COL25A1: variants seen among roughly 807,000 people sequenced by gnomAD.
The protein encoded by COL25A1 is collagen type XXV alpha 1 chain.
COL25A1 carries 103 observed loss-of-function variants against 128.4 expected under a neutral mutation model. The ratio of observed to expected loss-of-function variants is 0.80; its 90% CI spans 0.68 to 0.94. The LOEUF (loss-of-function observed/expected upper bound fraction) is 0.94. Among genes scored for constraint, COL25A1 ranks in the 40% least tolerant of loss-of-function variants. The pLI is 0.00. For synonymous variants in COL25A1, 279 were observed against 277.2 expected, an observed-to-expected ratio of 1.01 and a Z score of -0.06; for missense variants, 745 against 840.0, an observed-to-expected ratio of 0.89 and a Z score of 1.40.
intron 31 of COL25A1, among the ~76,000 whole-genome samples, chr4:108,834,108 T>A (rs2125734501): frequency 6.6e-6 from 1 of 152,270 alleles, no homozygotes; most frequent in African/African-American, 2.4e-5. Flanking sequence ...CCTAGCAAAT[T>A]ATCCAGACTT....
intron 3 of COL25A1, among the ~76,000 whole-genome samples, chr4:109,244,977 C>T (rs938661664): frequency 1.3e-5 from 2 of 152,062 alleles, no homozygotes; most frequent in African/African-American, 4.8e-5. Context: ...CACTGGATAA[C>T]TTTAAAAATC....
At chr4:109,034,829 T>A (rs1759190839) in intron 5 of COL25A1, among the ~76,000 whole-genome samples, 1 of 152,222 alleles carries the variant, frequency 6.6e-6, no homozygotes, top group Non-Finnish European at 1.5e-5. Context: ...ATTAAAATCT[T>A]ATAAATGCCA....
chr4:109,074,125 A>G (rs1763207737), intron 3 of COL25A1, among the ~76,000 whole-genome samples: 1 of 152,120 alleles, frequency 6.6e-6, no homozygotes. Context: ...GATCCCTCAC[A>G]TGTGCAGTTC....
intron 11 of COL25A1, among the ~76,000 whole-genome samples, chr4:108,934,148 G>C (rs1230268297): frequency 6.6e-6 from 1 of 152,140 alleles, no homozygotes; most frequent in Non-Finnish European, 1.5e-5. Context: ...GGAATACTAT[G>C]CAGCCATAAA....
At chr4:109,217,652 A>T (rs1034447111) in intron 3 of COL25A1, among the ~76,000 whole-genome samples, 53 of 152,024 alleles carry the variant, frequency 3.5e-4, no homozygotes, top group African/African-American at 1.2e-3. Context: ...TGGTTCCACA[A>T]CCTCCCGAGG....
chr4:108,859,601 G>A, intron 24 of COL25A1, 55 bp downstream of exon 24: 1 of 1,471,654 alleles, frequency 6.8e-7, no homozygotes, highest in Non-Finnish European at 9.4e-7. Flanking sequence ...CACATTACAT[G>A]GGTGCTCCTC....
intron 8 of COL25A1, among the ~76,000 whole-genome samples, chr4:108,967,839 C>G (rs1304670843): frequency 1.3e-5 from 2 of 152,136 alleles, no homozygotes; most frequent in African/African-American, 4.8e-5. Flanking sequence ...TTCCTTTCAG[C>G]AGGTTGTGTA....
intron 11 of COL25A1, among the ~76,000 whole-genome samples, chr4:108,933,435 AGAT>A (rs1413121903): frequency 6.6e-6 from 1 of 152,244 alleles, no homozygotes; most frequent in Non-Finnish European, 1.5e-5. Flanking sequence ...TAATAATGTA[AGAT>A]GATATGATAT....
At chr4:108,851,190 T>C (rs536205398) in intron 26 of COL25A1, among the ~76,000 whole-genome samples, 199 of 152,204 alleles carry the variant, frequency 1.3e-3, no homozygotes, top group Admixed American at 2.9e-3. Context: ...AGATTATATA[T>C]AGTTTTTTTG....
At chr4:109,014,175 C>T (rs1756984251) in intron 5 of COL25A1, among the ~76,000 whole-genome samples, 1 of 152,086 alleles carries the variant, frequency 6.6e-6, no homozygotes. Flanking sequence ...GGCGTGGTGG[C>T]ACGCACCTGT....
chr4:109,047,369 A>G (rs972584276), intron 5 of COL25A1, among the ~76,000 whole-genome samples: 2 of 152,246 alleles, frequency 1.3e-5, no homozygotes, highest in Non-Finnish European at 2.9e-5. Context: ...GTGTGTGATC[A>G]TATCAAAAAT....
chr4:108,991,354 A>C (rs1353542035), intron 6 of COL25A1, among the ~76,000 whole-genome samples: 1 of 152,232 alleles, frequency 6.6e-6, no homozygotes, highest in Non-Finnish European at 1.5e-5. Context: ...ATCATGTTAA[A>C]AACAATGAAA....
intron 3 of COL25A1, among the ~76,000 whole-genome samples, chr4:109,105,051 T>C (rs964148688): frequency 6.6e-5 from 10 of 152,212 alleles, no homozygotes; most frequent in African/African-American, 2.4e-4. Context: ...AAGATAATCC[T>C]GGTGGTAGGG....
At chr4:109,296,476 T>C (rs1044562797) in intron 3 of COL25A1, among the ~76,000 whole-genome samples, 1 of 152,060 alleles carries the variant, frequency 6.6e-6, no homozygotes, top group Admixed American at 6.6e-5. Flanking sequence ...TGTAAGCTTC[T>C]TGAGGGAAGA....
intron 3 of COL25A1, among the ~76,000 whole-genome samples, chr4:109,101,417 C>G (rs1007881421): frequency 6.6e-6 from 1 of 152,174 alleles, no homozygotes; most frequent in African/African-American, 2.4e-5. Flanking sequence ...TGCCACAAAT[C>G]TAAGCCTATC....
chr4:109,011,129 C>T (rs1756539421), intron 5 of COL25A1, among the ~76,000 whole-genome samples: 1 of 152,218 alleles, frequency 6.6e-6, no homozygotes, highest in African/African-American at 2.4e-5. Flanking sequence ...GTATGGATTT[C>T]ATATCACCTT....
At chr4:109,285,747 A>G (rs1484990736) in intron 3 of COL25A1, among the ~76,000 whole-genome samples, 1 of 152,220 alleles carries the variant, frequency 6.6e-6, no homozygotes, top group African/African-American at 2.4e-5. Context: ...TAAACACTCA[A>G]ATATCACTTC....
In COL25A1 at chr4:108,950,762, G is replaced by A. The variant is rs79488888; in HGVS notation, c.493-9325C>T. Reference sequence around the variant, plus strand: ...GATGAACTAAAACATGCATTCCTTCGTGTGACAAATGTCTCTGGAATACAT... The same window carrying A: ...GATGAACTAAAACATGCATTCCTTCATGTGACAAATGTCTCTGGAATACAT... On this transcript the variant is annotated intron_variant, in intron 8 of 37. Transcript: ENST00000399132. 6.7e-3 allele frequency among the ~76,000 whole-genome samples: 1,026 copies of A among 152,260 alleles called. 8 individuals carry two copies. Among genetic ancestry groups the A allele is most frequent in the African/African-American group, 0.023 (968 of 41,536 alleles).
At chr4:108,926,059 A>C (rs1307909943) in intron 11 of COL25A1, among the ~76,000 whole-genome samples, 1 of 152,344 alleles carries the variant, frequency 6.6e-6, no homozygotes, top group East Asian at 1.9e-4. Flanking sequence ...TGAACAAAAA[A>C]ATAACACAGA....
Sources: gnomAD v4.1 joint callset for allele counts (sites outside exome capture counted in the v4.1 genomes callset) on GRCh38, gnomAD v4.1.1 for gene constraint, MANE v1.5 for transcripts, NCBI Gene and HGNC (gene_info 2026-07-23, HGNC 2026-07-21) for gene names.